CLEC16A: variants seen among roughly 807,000 people sequenced by gnomAD.
CLEC16A encodes C-type lectin domain containing 16A.
CLEC16A carries 51 observed loss-of-function variants against 109.5 expected under a neutral mutation model. The ratio of observed to expected loss-of-function variants is 0.47; its 90% CI spans 0.37 to 0.59. The LOEUF (loss-of-function observed/expected upper bound fraction) is 0.59, where lower values mean the gene tolerates loss of function less well. Ranked by LOEUF, CLEC16A falls within the 20% of genes least tolerant of loss-of-function variation. The pLI is 0.00. For missense variants in CLEC16A, 1,339 were observed against 1,394.0 expected, an observed-to-expected ratio of 0.96 and a Z score of 0.63; for synonymous variants, 673 against 564.2, an observed-to-expected ratio of 1.19 and a Z score of -2.73.
At chr16:10,989,605 A>T (rs2043877736) in intron 10 of CLEC16A, among the ~76,000 whole-genome samples, 1 of 152,166 alleles carries the variant, frequency 6.6e-6, no homozygotes, top group African/African-American at 2.4e-5. Context: ...GGGTCTGAGG[A>T]TTCTGGGGCA....
chr16:10,951,866 A>T (rs549592559), intron 1 of CLEC16A, among the ~76,000 whole-genome samples: 1 of 152,356 alleles, frequency 6.6e-6, no homozygotes, highest in South Asian at 2.1e-4. Context: ...TCACTCACAC[A>T]ATTAGGAATC....
intron 19 of CLEC16A, among the ~76,000 whole-genome samples, chr16:11,118,729 A>G (rs1306387115): frequency 6.6e-6 from 1 of 152,216 alleles, no homozygotes; most frequent in East Asian, 1.9e-4. Context: ...ATGTCCAGAG[A>G]GTTTTCCCCA....
intron 22 of CLEC16A, among the ~76,000 whole-genome samples, chr16:11,132,560 G>T (rs1030282154): frequency 2.1e-4 from 32 of 152,128 alleles, no homozygotes; most frequent in Non-Finnish European, 1.2e-4. Flanking sequence ...TTTGTTTTCA[G>T]TTATTTCTGG....
At chr16:10,971,582 T>A in intron 5 of CLEC16A, 1 of 941,804 alleles carries the variant, frequency 1.1e-6, no homozygotes, top group Non-Finnish European at 1.3e-6. Context: ...TGAAATATAC[T>A]TTAATACAGC....
At chr16:11,066,953 G>A (rs990323861) in intron 19 of CLEC16A, among the ~76,000 whole-genome samples, 5 of 152,034 alleles carry the variant, frequency 3.3e-5, no homozygotes, top group African/African-American at 9.7e-5. Context: ...GGGACGGATC[G>A]CCAACTTTTG....
rs2068921712 is a variant in CLEC16A, at chr16:11,180,418, C to G, written c.*1728C>G. The G allele has an allele frequency of 6.6e-6, 1 of 152,348 alleles. No homozygotes were observed. The highest frequency in any genetic ancestry group is 2.1e-4 in the South Asian group (1 of 4,816). 9.4% of individuals were successfully genotyped at this position (152,348 alleles called of 1,614,324 possible). A position where few individuals can be genotyped will look rare whatever the true frequency, so the allele number is the denominator to read the frequency against. On this transcript the variant is annotated 3_prime_UTR_variant, in exon 24 of 24. Transcript: ENST00000409790. ...GAAAGGGGGCCACATGGGCAGAAACCCAAAGGAAGGACAAACCACGACCAC... is the reference window on the plus strand; with the variant it reads ...GAAAGGGGGCCACATGGGCAGAAACGCAAAGGAAGGACAAACCACGACCAC...
At chr16:10,988,934 C>T (rs1057074741) in intron 10 of CLEC16A, among the ~76,000 whole-genome samples, 1 of 152,194 alleles carries the variant, frequency 6.6e-6, no homozygotes, top group Non-Finnish European at 1.5e-5. Flanking sequence ...GACCTTCCAC[C>T]TCCTACCTGG....
intron 11 of CLEC16A, among the ~76,000 whole-genome samples, chr16:11,014,044 A>G (rs1292723478): frequency 7.2e-5 from 11 of 152,244 alleles, no homozygotes; most frequent in African/African-American, 2.7e-4. Flanking sequence ...CATTTTAAAA[A>G]TGCATGGAAT....
intron 22 of CLEC16A, among the ~76,000 whole-genome samples, chr16:11,146,039 G>A (rs2054040592): frequency 6.6e-6 from 1 of 152,172 alleles, no homozygotes; most frequent in African/African-American, 2.4e-5. Context: ...GCTCCTATTT[G>A]GAGGGCCCTG....
rs191144861 is a variant in CLEC16A, at chr16:11,004,375, G to C, written c.1303+1070G>C. Among the ~76,000 whole-genome samples, 514 of 152,174 alleles carry C rather than the reference G, an allele frequency of 3.4e-3. 4 individuals are homozygous for C. The highest frequency in any genetic ancestry group is 0.012 in the African/African-American group (483 of 41,530). The stretch of plus-strand genomic sequence containing the variant: ...TGATACTTGGTAGAAGTGGAGCTGG[G>C]GCTCTTCTCAGGAAGGTCTGGCCAC... On this transcript the variant is annotated intron_variant, in intron 11 of 23. Coordinates refer to ENST00000409790, the MANE Select transcript of CLEC16A (RefSeq NM_015226.3).
chr16:11,117,003 A>G (rs771101663), intron 19 of CLEC16A, among the ~76,000 whole-genome samples: 1 of 152,252 alleles, frequency 6.6e-6, no homozygotes, highest in Non-Finnish European at 1.5e-5. Context: ...GTGTACAGCC[A>G]TAAAAAAGAA....
intron 1 of CLEC16A, among the ~76,000 whole-genome samples, chr16:10,945,951 G>C (rs116950961): frequency 1.3e-5 from 2 of 152,122 alleles, no homozygotes; most frequent in African/African-American, 4.8e-5. Context: ...CAGCATCTAG[G>C]ACTGCTCTCT....
chr16:11,012,907 G>A (rs754119963), intron 11 of CLEC16A, among the ~76,000 whole-genome samples: 3 of 151,858 alleles, frequency 2.0e-5, no homozygotes, highest in South Asian at 2.1e-4. Context: ...TTTCCAACTC[G>A]CATATTTCCA....
chr16:11,110,846 G>T (rs1057476269), intron 19 of CLEC16A, among the ~76,000 whole-genome samples: 1 of 152,198 alleles, frequency 6.6e-6, no homozygotes, highest in African/African-American at 2.4e-5. Flanking sequence ...GCAGAGCTGG[G>T]CTTTAAACCC....
rs1006225001 is a variant in CLEC16A at position 11,003,130 on chromosome 16, T to G, written c.1128T>G (p.Leu376=). Residue 376 remains leucine, a synonymous_variant, in exon 11 of 24, where the codon CTT becomes CTG. Coordinates refer to ENST00000409790, the MANE Select transcript of CLEC16A (RefSeq NM_015226.3). ...IKPTETLERS[L]EMNKHKGKRR... ...CCACCGAGACACTCGAGCGGTCCCTTGAGATGAACAAGCACAAGGGCAAGA... is the reference window on the plus strand; with the variant it reads ...CCACCGAGACACTCGAGCGGTCCCTGGAGATGAACAAGCACAAGGGCAAGA... The G allele has an allele frequency of 5.6e-6, 9 of 1,609,814 alleles. No individual in the cohort carries two copies. The African/African-American group carries it at 1.1e-4, about 19-fold the overall frequency.
In CLEC16A at chr16:11,052,748, A is replaced by G. The variant is rs141250661; in HGVS notation, c.1995+1107A>G. On this transcript the variant is annotated intron_variant, in intron 18 of 23. Transcript: ENST00000409790. ...GTGTATGTGTTGCTTCATGATGCTG[A>G]CGTGCTCACCCCCAGCCAGGGCTAC... Among the ~76,000 whole-genome samples the G allele has an allele frequency of 1.3e-3, 195 of 152,254 alleles. 6 individuals carry two copies. The East Asian group carries it at 0.035, about 28-fold the overall frequency.
chr16:11,060,016 C>G (rs1263415389), intron 18 of CLEC16A, among the ~76,000 whole-genome samples: 1 of 152,220 alleles, frequency 6.6e-6, no homozygotes, highest in African/African-American at 2.4e-5. Flanking sequence ...CTTCCTTGCT[C>G]TGGTTGGTGG....
At chr16:11,003,050 G>A (rs2152752312) in intron 10 of CLEC16A, 24 bp from the exon 11 acceptor site, 1 of 1,578,988 alleles carries the variant, frequency 6.3e-7, no homozygotes, top group Non-Finnish European at 8.6e-7. Context: ...AAATTCACCT[G>A]TTGCCTTCGT....
chr16:11,005,919 C>T lies in CLEC16A; in HGVS notation c.1303+2614C>T, dbSNP rs115727786. Reference sequence around the variant, plus strand: ...TCTTGAAGCTCTGGACCTCATTGTTCCTGTCTGGAAATTTCTGAATATAGA... The same window carrying T: ...TCTTGAAGCTCTGGACCTCATTGTTTCTGTCTGGAAATTTCTGAATATAGA... On this transcript the variant is annotated intron_variant, in intron 11 of 23. Transcript: ENST00000409790. Among the ~76,000 whole-genome samples the T allele has an allele frequency of 3.4e-3, 512 of 151,580 alleles. 4 individuals are homozygous for T. The highest frequency in any genetic ancestry group is 0.012 in the African/African-American group (481 of 41,334).
Sources: gnomAD v4.1 joint callset for allele counts (sites outside exome capture counted in the v4.1 genomes callset) on GRCh38, gnomAD v4.1.1 for gene constraint, MANE v1.5 for transcripts, NCBI Gene and HGNC (gene_info 2026-07-23, HGNC 2026-07-21) for gene names.